Variants in DCUN1D3 observed in about 807,000 individuals in gnomAD.
The protein encoded by DCUN1D3 is defective in cullin neddylation 1 domain containing 3.
DCUN1D3 carries 6 observed loss-of-function variants against 24.8 expected under a neutral mutation model. The ratio of observed to expected loss-of-function variants is 0.24; its 90% CI spans 0.13 to 0.48. DCUN1D3 has a LOEUF of 0.48. Among genes scored for constraint, DCUN1D3 ranks in the 20% least tolerant of loss-of-function variants. The pLI is 0.99. For missense variants in DCUN1D3, 258 were observed against 379.4 expected (o/e 0.68, Z 2.66); for synonymous variants, 120 against 144.9 (o/e 0.83, Z 1.24).
chr16:20,873,691 GCC>G (rs1244899318), intron 1 of DCUN1D3, among the ~76,000 whole-genome samples: 1 of 152,170 alleles, frequency 6.6e-6, no homozygotes, highest in Non-Finnish European at 1.5e-5. Context: ...ATGGGACTCA[GCC>G]CCACCAAGGC....
At chr16:20,861,201 G>A (rs1327433416) in intron 2 of DCUN1D3, among the ~76,000 whole-genome samples, 2 of 152,218 alleles carry the variant, frequency 1.3e-5, no homozygotes, top group African/African-American at 2.4e-5. Flanking sequence ...CTGAGGGCGG[G>A]CAACATGCTA....
At chr16:20,895,952 CAT>C (rs2081913853) in intron 1 of DCUN1D3, among the ~76,000 whole-genome samples, 1 of 152,224 alleles carries the variant, frequency 6.6e-6, no homozygotes, top group South Asian at 2.1e-4. Flanking sequence ...TACTTCAGCA[CAT>C]AGACAGTCCC....
chr16:20,862,627 CA>C lies in DCUN1D3; in HGVS notation c.-90del, dbSNP rs2081739551. On this transcript the variant is annotated 5_prime_UTR_variant, in exon 2 of 3. The change creates a premature stop within an existing upstream ORF in the 5' untranslated region. Coordinates refer to ENST00000324344, the MANE Select transcript of DCUN1D3 (RefSeq NM_173475.4). ...CCATGTACCTCAACATGCCATCAGC[CA>C]GAGGAGCCAGCCAACCTGGAAGGAA... is the stretch of plus-strand genomic sequence containing the variant. 2 of 1,519,568 alleles carry C rather than the reference CA, an allele frequency of 1.3e-6. No individual in the cohort carries two copies. The highest frequency in any genetic ancestry group is 1.7e-6 in the Non-Finnish European group (2 of 1,144,640). 94.1% of individuals were successfully genotyped at this position (1,519,568 alleles called of 1,614,324 possible). A position where few individuals can be genotyped will look rare whatever the true frequency, so the allele number is the denominator to read the frequency against.
At chr16:20,899,725 G>C (rs2081952891) in intron 1 of DCUN1D3, 1 of 152,278 alleles carries the variant, frequency 6.6e-6, no homozygotes, top group African/African-American at 2.4e-5. Flanking sequence ...CTCGGACACA[G>C]ATGGTTATCG....
chr16:20,875,123 G>C (rs2081807305), intron 1 of DCUN1D3, among the ~76,000 whole-genome samples: 1 of 151,362 alleles, frequency 6.6e-6, no homozygotes, highest in Non-Finnish European at 1.5e-5. Flanking sequence ...ATAAAATAAA[G>C]CAGCAGCACC....
In DCUN1D3 at chr16:20,891,475, C is replaced by T. The variant is rs528256055; in HGVS notation, c.-106+8729G>A. Among the ~76,000 whole-genome samples the T allele has an allele frequency of 3.3e-5, 5 of 152,262 alleles. No homozygotes were observed. In the East Asian group the frequency reaches 5.8e-4, roughly 18 times the overall value. On this transcript the variant is annotated intron_variant, in intron 1 of 2. Transcript: ENST00000324344. ...TTACAATCCCTTCTTTACCAACTTCCGATTTGTCAAAATAAAGCCCTAAGA... is the reference window on the plus strand; with the variant it reads ...TTACAATCCCTTCTTTACCAACTTCTGATTTGTCAAAATAAAGCCCTAAGA...
chr16:20,895,641 T>C (rs895771580), intron 1 of DCUN1D3, among the ~76,000 whole-genome samples: 3 of 152,228 alleles, frequency 2.0e-5, no homozygotes, highest in African/African-American at 7.2e-5. Context: ...TATTCACTGA[T>C]TAAACGGTCA....
rs1043379520 is a variant in DCUN1D3, at chr16:20,860,648, T to C, written c.432-279A>G. On this transcript the variant is annotated intron_variant, in intron 2 of 2. Coordinates refer to ENST00000324344, the MANE Select transcript of DCUN1D3 (RefSeq NM_173475.4). This position sits in a 1 kb window ranked among gnomAD's most constrained non-coding sequence, Gnocchi z 4.3. Reference sequence around the variant, plus strand: ...TGGTTCATTTATTCATTCATTCATCTTCCCAAAGCTAAACTCAAGTCTCCT... The same window carrying C: ...TGGTTCATTTATTCATTCATTCATCCTCCCAAAGCTAAACTCAAGTCTCCT... 3.3e-5 allele frequency among the ~76,000 whole-genome samples: 5 copies of C among 152,184 alleles called. No homozygotes were observed. Among genetic ancestry groups the C allele is most frequent in the Non-Finnish European group, 1.5e-5 (1 of 68,036 alleles).
In DCUN1D3 at chr16:20,859,021, GAAAGAAAACTATC is replaced by G; in HGVS notation, c.*852_*864del. On this transcript the variant is annotated 3_prime_UTR_variant, in exon 3 of 3. Coordinates refer to ENST00000324344, the MANE Select transcript of DCUN1D3 (RefSeq NM_173475.4). ...ATGAAAATACAGAAACTTCATCAAA[GAAAGAAAACTATC>G]AAAGAAGTCTACTTCCAGCAAAACT... 1 of 151,254 alleles carries G rather than the reference GAAAGAAAACTATC, an allele frequency of 6.6e-6. No homozygotes were observed. The highest frequency in any genetic ancestry group is 6.6e-5 in the Admixed American group (1 of 15,128). 9.4% of individuals were successfully genotyped at this position (151,254 alleles called of 1,614,324 possible). A position where few individuals can be genotyped will look rare whatever the true frequency, so the allele number is the denominator to read the frequency against.
chr16:20,869,640 G>A (rs573707052), intron 1 of DCUN1D3, among the ~76,000 whole-genome samples: 6 of 152,212 alleles, frequency 3.9e-5, no homozygotes, highest in Non-Finnish European at 7.4e-5. Context: ...GGAGAGGGTT[G>A]ATATGGTTGG....
rs1188578747 is a variant in DCUN1D3, at chr16:20,862,438, G to C, written c.101C>G (p.Ala34Gly). Residue 34 changes from alanine (A) to glycine (G), a missense_variant, in exon 2 of 3, where the codon GCA (alanine) becomes GGA (glycine). Coordinates refer to ENST00000324344, the MANE Select transcript of DCUN1D3 (RefSeq NM_173475.4). ...TGGTACCTGCTCCTCACGGTGGCCT[G>C]CACCCCTCCTGCTATGTGACTTGTT... ...PSNKSHSRRG[A>G]GHREEQVPPC... is the part of the protein sequence containing the mutation. 2 of 1,613,592 alleles carry C rather than the reference G, an allele frequency of 1.2e-6. No homozygotes were observed. The highest frequency in any genetic ancestry group is 1.7e-5 in the Admixed American group (1 of 59,998).
intron 1 of DCUN1D3, among the ~76,000 whole-genome samples, chr16:20,898,200 C>A (rs1394651479): frequency 6.6e-6 from 1 of 152,228 alleles, no homozygotes; most frequent in Admixed American, 6.5e-5. Context: ...CTTTGGATGG[C>A]TGGCTCCTTC....
At position 20,879,632 on chromosome 16, in the gene DCUN1D3, C is replaced by T. The variant is rs556718245; in HGVS notation, c.-105-16989G>A. On this transcript the variant is annotated intron_variant, in intron 1 of 2. Coordinates refer to ENST00000324344, the MANE Select transcript of DCUN1D3 (RefSeq NM_173475.4). ...ATGCAGGCATTTAACAAGTCACTAC[C>T]CTTTCAGTTAGGAGAATCGCTCTGG... Among the ~76,000 whole-genome samples the T allele has an allele frequency of 3.3e-5, 5 of 152,256 alleles. No homozygotes were observed. In the South Asian group the frequency reaches 1.0e-3, roughly 32 times the overall value.
intron 2 of DCUN1D3, among the ~76,000 whole-genome samples, chr16:20,861,792 T>G (rs1262835606): frequency 6.6e-6 from 1 of 150,902 alleles, no homozygotes; most frequent in Non-Finnish European, 1.5e-5. Context: ...AACCATAGCG[T>G]ACACATTAGA....
Position 20,858,062 on chromosome 16 carries a change from C to CAA in DCUN1D3, c.*1822_*1823dup, listed in dbSNP as rs2081711031. 2 of 152,766 alleles carry CAA rather than the reference C, an allele frequency of 1.3e-5. No individual in the cohort carries two copies. The highest frequency in any genetic ancestry group is 3.9e-4 in the East Asian group (2 of 5,190). 9.5% of individuals were successfully genotyped at this position (152,766 alleles called of 1,614,324 possible). The stretch of plus-strand genomic sequence containing the variant: ...TTTAACAGACAAAGTCTCATTACCT[C>CAA]AAGAGTATAAATATTTTTATACGTT... On this transcript the variant is annotated 3_prime_UTR_variant, in exon 3 of 3. Transcript: ENST00000324344.
chr16:20,862,194 G>A lies in DCUN1D3; in HGVS notation c.345C>T (p.Cys115=). 1.2e-6 allele frequency: 2 copies of A among 1,614,228 alleles called. No homozygotes were observed. Among genetic ancestry groups the A allele is most frequent in the East Asian group, 4.5e-5 (2 of 44,886 alleles). Residue 115 remains cysteine, a synonymous_variant, in exon 2 of 3, where the codon TGC becomes TGT. Coordinates refer to ENST00000324344, the MANE Select transcript of DCUN1D3 (RefSeq NM_173475.4). ...AILEEGMERF[C]NDLCVDPTEF... is the part of the protein sequence containing the mutation. ...CTGTGGGGTCAACACACAGGTCATT[G>A]CAAAAGCGCTCCATGCCTTCCTCCA...
At chr16:20,887,815 C>T (rs1292843817) in intron 1 of DCUN1D3, among the ~76,000 whole-genome samples, 5 of 152,210 alleles carry the variant, frequency 3.3e-5, no homozygotes, top group Non-Finnish European at 5.9e-5. Flanking sequence ...GCCCAACTCA[C>T]TGAACCTCAA....
At chr16:20,884,412 C>T (rs2081859272) in intron 1 of DCUN1D3, among the ~76,000 whole-genome samples, 2 of 152,158 alleles carry the variant, frequency 1.3e-5, no homozygotes. Flanking sequence ...GGCCCCTCCC[C>T]TTTCAGAATG....
chr16:20,894,771 T>C (rs1471897654), intron 1 of DCUN1D3, among the ~76,000 whole-genome samples: 2 of 152,234 alleles, frequency 1.3e-5, no homozygotes, highest in African/African-American at 4.8e-5. Flanking sequence ...TCAAGACTGA[T>C]TTACTAAGCT....
Sources: gnomAD v4.1 joint callset for allele counts (sites outside exome capture counted in the v4.1 genomes callset) on GRCh38, gnomAD v4.1.1 for gene constraint, Gnocchi (gnomAD v3.1) non-coding constraint, MANE v1.5 for transcripts, NCBI Gene and HGNC (gene_info 2026-07-23, HGNC 2026-07-21) for gene names.